ANXA3: variants seen among roughly 807,000 people sequenced by gnomAD.
ANXA3 encodes the protein 35-alpha calcimedin.
ANXA3 carries 46 observed loss-of-function variants against 48.8 expected under a neutral mutation model. The observed-to-expected ratio is 0.94, with a 90% confidence interval of 0.74 to 1.21. The LOEUF is 1.21. ANXA3 is among the 50% of genes most tolerant of loss of function. The pLI is 0.00. For synonymous variants in ANXA3, 128 were observed against 134.7 expected, an observed-to-expected ratio of 0.95 and a Z score of 0.35; for missense variants, 383 against 378.6, an observed-to-expected ratio of 1.01 and a Z score of -0.10.
chr4:78,586,495 A>T (rs760836226), intron 6 of ANXA3, 145 bp downstream of exon 6: 6 of 582,744 alleles, frequency 1.0e-5, no homozygotes, highest in Non-Finnish European at 1.5e-5. Context: ...AATCAGCTAA[A>T]GACTATGAGT....
At chr4:78,591,104 A>G (rs1279827532) in intron 6 of ANXA3, among the ~76,000 whole-genome samples, 1 of 152,246 alleles carries the variant, frequency 6.6e-6, no homozygotes, top group Non-Finnish European at 1.5e-5. Flanking sequence ...GTGAATAACT[A>G]AGTTATAGAA....
At chr4:78,597,173 A>C (rs1723438694) in intron 9 of ANXA3, 146 bp from the exon 10 acceptor site, 3 of 594,766 alleles carry the variant, frequency 5.0e-6, no homozygotes, top group Non-Finnish European at 5.9e-6. Context: ...AGAAAAACAA[A>C]AACTTCTGTG....
intron 5 of ANXA3, among the ~76,000 whole-genome samples, chr4:78,585,832 AG>A (rs1723163809): frequency 6.6e-6 from 1 of 152,346 alleles, no homozygotes; most frequent in East Asian, 1.9e-4. Flanking sequence ...AGGATTTGAA[AG>A]GCTCCCTGTA....
chr4:78,579,167 A>G, intron 4 of ANXA3, 46 bp downstream of exon 4: 1 of 1,357,488 alleles, frequency 7.4e-7, no homozygotes. Flanking sequence ...TCATTAATGT[A>G]CCATGGTCGC....
intron 3 of ANXA3, among the ~76,000 whole-genome samples, chr4:78,575,549 T>C (rs953493885): frequency 6.9e-6 from 1 of 145,054 alleles, no homozygotes; most frequent in African/African-American, 2.9e-5. Context: ...CCACGTAAGA[T>C]GTGACTTCTC....
At chr4:78,609,150 G>A (rs1228816587) in intron 12 of ANXA3, among the ~76,000 whole-genome samples, 1 of 152,178 alleles carries the variant, frequency 6.6e-6, no homozygotes, top group African/African-American at 2.4e-5. Context: ...TACTATGAAA[G>A]TAATGCTTAA....
At chr4:78,559,412 A>G (rs1017303264) in intron 2 of ANXA3, among the ~76,000 whole-genome samples, 2 of 152,152 alleles carry the variant, frequency 1.3e-5, no homozygotes, top group Non-Finnish European at 2.9e-5. Context: ...TTAACTCACA[A>G]TCATTGTAAT....
intron 4 of ANXA3, among the ~76,000 whole-genome samples, chr4:78,580,046 A>G (rs1723041751): frequency 1.3e-5 from 2 of 152,270 alleles, no homozygotes; most frequent in South Asian, 2.1e-4. Context: ...CATTGGAAAT[A>G]GACTGGTATA....
chr4:78,573,344 C>A, intron 3 of ANXA3, 77 bp downstream of exon 3: 1 of 1,072,360 alleles, frequency 9.3e-7, no homozygotes. Flanking sequence ...TCAGTTTGCT[C>A]AGATTGGCTT....
At chr4:78,591,894 G>A (rs1723305870) in intron 7 of ANXA3, among the ~76,000 whole-genome samples, 1 of 152,194 alleles carries the variant, frequency 6.6e-6, no homozygotes, top group East Asian at 1.9e-4. Flanking sequence ...GACATTAGAA[G>A]ACATTCTGAT....
chr4:78,599,241 A>G (rs1305193408), intron 10 of ANXA3, among the ~76,000 whole-genome samples: 1 of 152,204 alleles, frequency 6.6e-6, no homozygotes, highest in African/African-American at 2.4e-5. Flanking sequence ...AGGACGTTTT[A>G]ATCAGCCGCA....
intron 1 of ANXA3, 60 bp from the exon 2 acceptor site, chr4:78,554,376 A>G (rs1396772855): frequency 1.7e-6 from 2 of 1,180,864 alleles, no homozygotes; most frequent in Admixed American, 1.7e-5. Context: ...GGGTTGGACT[A>G]AGATTATTGT....
rs188519820 is a variant in ANXA3, at chr4:78,576,077, A to C, written c.103+2810A>C. Among the ~76,000 whole-genome samples the C allele has an allele frequency of 3.5e-3, 526 of 152,252 alleles. 2 individuals are homozygous for C. The highest frequency in any genetic ancestry group is 0.024 in the Middle Eastern group (7 of 294). On this transcript the variant is annotated intron_variant, in intron 3 of 12. Coordinates refer to ENST00000264908, the MANE Select transcript of ANXA3 (RefSeq NM_005139.3). ...CATTTATCTATTTGGCCCTCCCAAC[A>C]CCACATTGTCACAATTATTAGGATT... is the stretch of plus-strand genomic sequence containing the variant.
chr4:78,604,536 C>A, intron 12 of ANXA3, 137 bp downstream of exon 12: 1 of 670,660 alleles, frequency 1.5e-6, no homozygotes, highest in Non-Finnish European at 2.2e-6. Context: ...GTTGTCTGAG[C>A]TTAAAATAGT....
At chr4:78,595,294 C>A (rs1723395119) in intron 7 of ANXA3, 87 bp from the exon 8 acceptor site, 2 of 1,437,926 alleles carry the variant, frequency 1.4e-6, no homozygotes, top group Non-Finnish European at 2.0e-6. Flanking sequence ...TAAAGAAAAA[C>A]CACTAAGATC....
At chr4:78,565,283 G>A (rs968933683) in intron 2 of ANXA3, among the ~76,000 whole-genome samples, 2 of 152,128 alleles carry the variant, frequency 1.3e-5, no homozygotes, top group Non-Finnish European at 1.5e-5. Flanking sequence ...CACCTGGCCC[G>A]ACTTAGATCT....
At chr4:78,562,181 T>G (rs778812488) in intron 2 of ANXA3, among the ~76,000 whole-genome samples, 1 of 151,922 alleles carries the variant, frequency 6.6e-6, no homozygotes, top group Non-Finnish European at 1.5e-5. Flanking sequence ...GAAGGTATGA[T>G]TTGTTCTCTT....
At chr4:78,595,963 T>A in intron 9 of ANXA3, 76 bp downstream of exon 9, 1 of 1,007,642 alleles carries the variant, frequency 9.9e-7, no homozygotes, top group Non-Finnish European at 1.5e-6. Context: ...TACAAAGATC[T>A]AGAAAAACGA....
intron 2 of ANXA3, among the ~76,000 whole-genome samples, chr4:78,557,541 A>G (rs1296746053): frequency 1.3e-5 from 2 of 152,184 alleles, no homozygotes; most frequent in Non-Finnish European, 2.9e-5. Context: ...GTATGGCTAC[A>G]TCAGGGATGG....
Sources: gnomAD v4.1 joint callset for allele counts (sites outside exome capture counted in the v4.1 genomes callset) on GRCh38, gnomAD v4.1.1 for gene constraint, MANE v1.5 for transcripts, NCBI Gene and HGNC (gene_info 2026-07-23, HGNC 2026-07-21) for gene names.